Variants in NUCB2 observed in about 807,000 individuals in gnomAD.
NUCB2 encodes the protein nucleobindin 2, also known as nucleobindin-2.
Under a neutral mutation model 57.9 loss-of-function variants are expected in NUCB2, and 48 were observed. The ratio of observed to expected loss-of-function variants is 0.83; its 90% CI spans 0.66 to 1.05. NUCB2 has a LOEUF of 1.05. Ranked by LOEUF, NUCB2 falls within the 50% of genes least tolerant of loss-of-function variation. The pLI is 0.00. For missense variants in NUCB2, 442 were observed against 476.2 expected (o/e 0.93, Z 0.67); for synonymous variants, 139 against 152.1 (o/e 0.91, Z 0.64).
chr11:17,279,150 C>T (rs1942002854), intron 1 of NUCB2, among the ~76,000 whole-genome samples: 1 of 152,154 alleles, frequency 6.6e-6, no homozygotes, highest in Non-Finnish European at 1.5e-5. Flanking sequence ...CGAGATCGCG[C>T]TATTGCACTC....
At chr11:17,312,169 A>C (rs756800116) in intron 10 of NUCB2, 49 bp downstream of exon 10, 1 of 930,452 alleles carries the variant, frequency 1.1e-6, no homozygotes, top group Non-Finnish European at 1.7e-6. Flanking sequence ...GTATTATTTA[A>C]TTCTTGCAAT....
intron 5 of NUCB2, among the ~76,000 whole-genome samples, chr11:17,302,738 A>ATT (rs374768656): frequency 1.5e-4 from 20 of 137,532 alleles, no homozygotes; most frequent in South Asian, 2.4e-4. Flanking sequence ...TGCCCTGCTA[A>ATT]TTTTTTTTTT....
intron 2 of NUCB2, among the ~76,000 whole-genome samples, chr11:17,284,007 C>T (rs901533363): frequency 1.3e-4 from 20 of 152,152 alleles, no homozygotes; most frequent in African/African-American, 4.6e-4. Flanking sequence ...TTTAGCCACA[C>T]CAATATTTTA....
At chr11:17,313,689 A>G (rs947780394) in intron 10 of NUCB2, among the ~76,000 whole-genome samples, 3 of 152,132 alleles carry the variant, frequency 2.0e-5, no homozygotes, top group Non-Finnish European at 4.4e-5. Flanking sequence ...GTGCTGATAC[A>G]GTTGATGCCT....
At chr11:17,313,834 C>T (rs1006897312) in intron 10 of NUCB2, among the ~76,000 whole-genome samples, 3 of 152,086 alleles carry the variant, frequency 2.0e-5, no homozygotes, top group African/African-American at 7.2e-5. Flanking sequence ...TGCCCTGGGC[C>T]CATCCCTTGG....
chr11:17,326,438 C>A (rs956084426), intron 11 of NUCB2, among the ~76,000 whole-genome samples: 2 of 151,508 alleles, frequency 1.3e-5, no homozygotes, highest in African/African-American at 2.4e-5. Flanking sequence ...CTGCCTCCCC[C>A]TCCCGAGTAG....
chr11:17,292,584 C>T (rs1291279781), intron 2 of NUCB2, among the ~76,000 whole-genome samples: 1 of 152,118 alleles, frequency 6.6e-6, no homozygotes, highest in African/African-American at 2.4e-5. Flanking sequence ...CAGGTGATGC[C>T]AGTGCTGCTG....
chr11:17,336,967 G>T (rs951570018), downstream of NUCB2, among the ~76,000 whole-genome samples: 1 of 151,594 alleles, frequency 6.6e-6, no homozygotes, highest in African/African-American at 2.4e-5. Flanking sequence ...TAGAGATGGG[G>T]TCTCTCTCTG....
intron 1 of NUCB2, among the ~76,000 whole-genome samples, chr11:17,277,506 G>GGA (rs147820906): frequency 2.6e-5 from 4 of 151,510 alleles, no homozygotes; most frequent in South Asian, 2.1e-4. Flanking sequence ...AGGGAAAGAA[G>GGA]GAGAGAGAGA....
At chr11:17,296,022 A>C (rs1945766510) in intron 3 of NUCB2, 82 bp from the exon 4 acceptor site, 4 of 665,370 alleles carry the variant, frequency 6.0e-6, no homozygotes, top group Non-Finnish European at 2.5e-6. Context: ...TTTTGCTAGA[A>C]ATTGTTTCAC....
intron 11 of NUCB2, 101 bp downstream of exon 11, chr11:17,315,576 C>G: frequency 1.8e-6 from 1 of 545,142 alleles, no homozygotes; most frequent in Non-Finnish European, 3.2e-6. Context: ...CATGTATAGT[C>G]TTACTATCTT....
downstream of NUCB2, chr11:17,332,306 G>T (rs757614741): frequency 6.6e-6 from 1 of 151,800 alleles, no homozygotes; most frequent in Admixed American, 6.6e-5. Flanking sequence ...CTTATGTTTC[G>T]ACCAGAACTG....
intron 2 of NUCB2, among the ~76,000 whole-genome samples, chr11:17,337,917 G>T (rs1951944450): frequency 6.6e-6 from 1 of 152,188 alleles, no homozygotes; most frequent in Non-Finnish European, 1.5e-5. Flanking sequence ...TCACAAGCAT[G>T]AGCCACTGCG....
At chr11:17,327,206 G>A (rs1950798027) in intron 11 of NUCB2, among the ~76,000 whole-genome samples, 1 of 152,106 alleles carries the variant, frequency 6.6e-6, no homozygotes, top group South Asian at 2.1e-4. Context: ...GATTACAGGT[G>A]TGTGCCATCA....
intron 2 of NUCB2, among the ~76,000 whole-genome samples, chr11:17,343,057 T>G (rs1203875498): frequency 6.6e-6 from 1 of 151,716 alleles, no homozygotes; most frequent in East Asian, 1.9e-4. Flanking sequence ...GATCCCTTTA[T>G]CATTATGTAA....
At chr11:17,298,081 C>CAAAAAA (rs34329500) in intron 4 of NUCB2, among the ~76,000 whole-genome samples, 1 of 82,738 alleles carries the variant, frequency 1.2e-5, no homozygotes, top group South Asian at 4.1e-4. Flanking sequence ...GACTTCGTCT[C>CAAAAAA]AAAAAAAAAA....
At chr11:17,311,779 AC>A in intron 8 of NUCB2, 92 bp from the exon 9 acceptor site, 1 of 809,860 alleles carries the variant, frequency 1.2e-6, no homozygotes, top group Non-Finnish European at 2.0e-6. Flanking sequence ...TCACATCAGT[AC>A]TACTTTTGTA....
In NUCB2 at chr11:17,287,815, C is replaced by T. The variant is rs575741423; in HGVS notation, c.-1+4872C>T. Among the ~76,000 whole-genome samples the T allele has an allele frequency of 2.6e-5, 4 of 152,126 alleles. No individual in the cohort carries two copies. In the East Asian group the frequency reaches 5.8e-4, roughly 22 times the overall value. On this transcript the variant is annotated intron_variant, in intron 2 of 13. Transcript: ENST00000529010. ...AGGAGTTTGAGACCACCTTGGCCAA[C>T]ATGGTGAAACCCAATCTCTACTAAA... is the stretch of plus-strand genomic sequence containing the variant.
At position 17,330,252 on chromosome 11, in the gene NUCB2, A is replaced by G. The variant is rs368789759; in HGVS notation, c.1128A>G (p.Gln376=). 60 of 1,611,548 alleles carry G rather than the reference A, an allele frequency of 3.7e-5. No homozygotes were observed. Among genetic ancestry groups the G allele is most frequent in the Non-Finnish European group, 5.0e-5 (59 of 1,179,448 alleles). ...DELQKQKEEL[Q]RQHDQLEAQK... ...TTCAGAAACAAAAAGAAGAGCTACA[A>G]CGTCAGCATGATCAACTGGAGGCTC... is the stretch of plus-strand genomic sequence containing the variant. The change falls in exon 12 of 14, where the codon CAA becomes CAG. Residue 376 remains glutamine (Q), a synonymous_variant. Transcript: ENST00000529010. This position sits in a 1 kb window ranked among gnomAD's most constrained non-coding sequence, Gnocchi z 4.3.
Sources: allele counts gnomAD v4.1 joint callset (sites outside exome capture counted in the v4.1 genomes callset), GRCh38; gene constraint gnomAD v4.1.1; non-coding constraint Gnocchi (gnomAD v3.1); transcripts MANE v1.5; gene names NCBI Gene and HGNC (gene_info 2026-07-23, HGNC 2026-07-21).